Variants in TNFSF8 observed in about 807,000 individuals in gnomAD.
TNFSF8 encodes tumor necrosis factor ligand superfamily member 8.
TNFSF8 carries 4 observed loss-of-function variants against 22.0 expected under a neutral mutation model. That is an observed-to-expected ratio of 0.18 (90% CI 0.09 to 0.42). The LOEUF (loss-of-function observed/expected upper bound fraction) is 0.42. Among genes scored for constraint, TNFSF8 ranks in the 10% least tolerant of loss-of-function variants. The probability of loss-of-function intolerance (pLI) is 1.00; values close to 1 mark genes in which losing one functional copy is unlikely to be tolerated. For synonymous variants in TNFSF8, 106 were observed against 112.5 expected (o/e 0.94, Z 0.37); for missense variants, 233 against 281.8 (o/e 0.83, Z 1.24).
chr9:114,901,934 T>G lies in TNFSF8; in HGVS notation c.*1997A>C, dbSNP rs186292002. On this transcript the variant is annotated 3_prime_UTR_variant, in exon 4 of 4. Transcript: ENST00000223795. ...TGCTGATTTGTTCTTTCTTTTTTTC[T>G]TTTAAATCTTTTCTAGCTTTCCTTC... 87 of 983,066 alleles carry G rather than the reference T, an allele frequency of 8.8e-5. No homozygotes were observed. The highest frequency in any genetic ancestry group is 1.0e-4 in the Non-Finnish European group (84 of 827,778). The allele number at this position is 983,066 out of a possible 1,614,324, so 60.9% of individuals were successfully genotyped here.
rs1349867428 is a variant in TNFSF8, at chr9:114,901,545, C to T, written c.*2386G>A. The T allele has an allele frequency of 2.0e-6, 2 of 985,154 alleles. No individual in the cohort carries two copies. Among genetic ancestry groups the T allele is most frequent in the Admixed American group, 1.2e-4 (2 of 16,272 alleles). The allele number at this position is 985,154 out of a possible 1,614,324, so 61.0% of individuals were successfully genotyped here. On this transcript the variant is annotated 3_prime_UTR_variant, in exon 4 of 4. Transcript: ENST00000223795. ...GCAAAAAAATTGCTTAGTTAACACA[C>T]AGTTGGGTTGCATATACCTTTTCAA...
downstream of TNFSF8, among the ~76,000 whole-genome samples, chr9:114,898,100 T>C (rs1827675752): frequency 6.6e-6 from 1 of 151,942 alleles, no homozygotes; most frequent in South Asian, 2.1e-4. Context: ...CCTCCTGGGT[T>C]CACACAATTC....
chr9:114,926,719 A>C (rs1451616569), intron 1 of TNFSF8, among the ~76,000 whole-genome samples: 2 of 152,188 alleles, frequency 1.3e-5, no homozygotes, highest in African/African-American at 4.8e-5. Context: ...CCATGGGTTT[A>C]TTATATATTA....
In TNFSF8 at chr9:114,918,118, A is replaced by C; in HGVS notation, c.216T>G (p.Pro72=). 1 of 1,608,478 alleles carries C rather than the reference A, an allele frequency of 6.2e-7. No individual in the cohort carries two copies. The highest frequency in any genetic ancestry group is 1.7e-5 in the Admixed American group (1 of 59,188). The change falls in exon 2 of 4, where the codon CCT becomes CCG. Residue 72 remains proline, a synonymous_variant. Coordinates refer to ENST00000223795, the MANE Select transcript of TNFSF8 (RefSeq NM_001244.4). ...TACCTCCTTTGAGGGGGACGTTGTCAGGTGAGTTGGGAATGGAGTCCTGGA... is the reference window on the plus strand; with the variant it reads ...TACCTCCTTTGAGGGGGACGTTGTCCGGTGAGTTGGGAATGGAGTCCTGGA... The part of the protein sequence containing the change: ...VQRTDSIPNS[P]DNVPLKGGNC...
chr9:114,927,834 C>G (rs1370803398), intron 1 of TNFSF8, among the ~76,000 whole-genome samples: 4 of 152,112 alleles, frequency 2.6e-5, no homozygotes, highest in African/African-American at 9.7e-5. Flanking sequence ...TGGCTTTCTC[C>G]CATTGATTTC....
chr9:114,928,553 G>C (rs1249101544), intron 1 of TNFSF8, among the ~76,000 whole-genome samples: 1 of 151,980 alleles, frequency 6.6e-6, no homozygotes, highest in Non-Finnish European at 1.5e-5. Flanking sequence ...AGTTCTAGTT[G>C]GATCCTTTAA....
chr9:114,917,247 A>T (rs1478725023), intron 2 of TNFSF8, among the ~76,000 whole-genome samples: 1 of 152,172 alleles, frequency 6.6e-6, no homozygotes, highest in Non-Finnish European at 1.5e-5. Context: ...CTTTCTGGCT[A>T]TCCAGCTGTG....
At chr9:114,896,404 T>C (rs1827655690), downstream of TNFSF8, among the ~76,000 whole-genome samples, 1 of 152,206 alleles carries the variant, frequency 6.6e-6, no homozygotes, top group Non-Finnish European at 1.5e-5. Flanking sequence ...TTAATTGCTC[T>C]AGGAAGTGGC....
chr9:114,904,927 C>A (rs1369256657), intron 3 of TNFSF8, among the ~76,000 whole-genome samples: 1 of 152,072 alleles, frequency 6.6e-6, no homozygotes. Context: ...ATGCCTTTTT[C>A]CCTTCAAAGG....
At position 114,902,708 on chromosome 9, in the gene TNFSF8, G is replaced by A; in HGVS notation, c.*1223C>T. On this transcript the variant is annotated 3_prime_UTR_variant, in exon 4 of 4. Coordinates refer to ENST00000223795, the MANE Select transcript of TNFSF8 (RefSeq NM_001244.4). The stretch of plus-strand genomic sequence containing the variant: ...AGGGGGGCCTTATTTTGGTTGGAGA[G>A]CTTCCAAAATTGTGTCTGGAATCTC... 1.0e-6 allele frequency: 1 copy of A among 985,416 alleles called. No homozygotes were observed. Among genetic ancestry groups the A allele is most frequent in the Non-Finnish European group, 1.2e-6 (1 of 829,944 alleles). 61.0% of individuals were successfully genotyped at this position (985,416 alleles called of 1,614,324 possible).
At chr9:114,907,697 G>A (rs916108886) in intron 2 of TNFSF8, among the ~76,000 whole-genome samples, 1 of 152,260 alleles carries the variant, frequency 6.6e-6, no homozygotes, top group Middle Eastern at 3.4e-3. Context: ...AGGAGGAACA[G>A]TGATAATAAT....
chr9:114,920,210 A>G (rs892411163), intron 1 of TNFSF8, among the ~76,000 whole-genome samples: 1 of 152,258 alleles, frequency 6.6e-6, no homozygotes, highest in Non-Finnish European at 1.5e-5. Flanking sequence ...ACCATTGATT[A>G]GCATGATGTG....
Position 114,902,012 on chromosome 9 carries a change from C to T in TNFSF8, c.*1919G>A, listed in dbSNP as rs545802608. The T allele has an allele frequency of 4.1e-6, 4 of 985,340 alleles. No individual in the cohort carries two copies. Among genetic ancestry groups the T allele is most frequent in the East Asian group, 2.3e-4 (2 of 8,808 alleles). The allele number at this position is 985,340 out of a possible 1,614,324, so 61.0% of individuals were successfully genotyped here. A position where few individuals can be genotyped will look rare whatever the true frequency, so the allele number is the denominator to read the frequency against. ...TTTTCTCTCCTTCTTGAGAAAAATGCAAATTTTGCTCCATGTTTTGGTATA... is the reference window on the plus strand; with the variant it reads ...TTTTCTCTCCTTCTTGAGAAAAATGTAAATTTTGCTCCATGTTTTGGTATA... On this transcript the variant is annotated 3_prime_UTR_variant, in exon 4 of 4. Coordinates refer to ENST00000223795, the MANE Select transcript of TNFSF8 (RefSeq NM_001244.4).
intron 1 of TNFSF8, among the ~76,000 whole-genome samples, chr9:114,924,138 C>A (rs576469117): frequency 6.6e-6 from 1 of 152,160 alleles, no homozygotes; most frequent in Non-Finnish European, 1.5e-5. Flanking sequence ...GATTTTAGCT[C>A]GGTGCTTCTC....
chr9:114,924,097 T>C (rs1043753331), intron 1 of TNFSF8, among the ~76,000 whole-genome samples: 9 of 152,198 alleles, frequency 5.9e-5, no homozygotes, highest in Admixed American at 5.2e-4. Context: ...AAGGTCAATG[T>C]TATTTAAAAC....
At chr9:114,929,986 A>T in intron 1 of TNFSF8, 123 bp downstream of exon 1, 1 of 521,806 alleles carries the variant, frequency 1.9e-6, no homozygotes, top group Non-Finnish European at 3.1e-6. Context: ...ATAGAGAGAG[A>T]GAGTTTATTT....
chr9:114,898,272 G>A (rs1422721200), downstream of TNFSF8, among the ~76,000 whole-genome samples: 1 of 152,162 alleles, frequency 6.6e-6, no homozygotes, highest in Non-Finnish European at 1.5e-5. Context: ...AAAGTGCTGG[G>A]ATTACAGGCC....
intron 1 of TNFSF8, among the ~76,000 whole-genome samples, chr9:114,924,169 A>G (rs1273868002): frequency 6.6e-6 from 1 of 152,244 alleles, no homozygotes; most frequent in East Asian, 1.9e-4. Context: ...GTGCATACAG[A>G]TCACCTGAGG....
At chr9:114,894,143 T>C (rs1489804799) in exon 5 of TNFSF8, 6 of 1,534,960 alleles carry the variant, frequency 3.9e-6, no homozygotes, top group Non-Finnish European at 5.2e-6. Flanking sequence ...GTGTGAATGG[T>C]GGAGGATCAT....
Sources: gnomAD v4.1 joint callset for allele counts (sites outside exome capture counted in the v4.1 genomes callset) on GRCh38, gnomAD v4.1.1 for gene constraint, MANE v1.5 for transcripts, NCBI Gene and HGNC (gene_info 2026-07-23, HGNC 2026-07-21) for gene names.